CNTNAP5: variants seen among roughly 807,000 people sequenced by gnomAD.
The protein encoded by CNTNAP5 is contactin-associated protein-like 5.
In CNTNAP5, 72 loss-of-function variants were observed where a neutral mutation model predicts 150.2. The ratio of observed to expected loss-of-function variants is 0.48; its 90% CI spans 0.40 to 0.58. The LOEUF (loss-of-function observed/expected upper bound fraction) is 0.58. Among genes scored for constraint, CNTNAP5 ranks in the 20% least tolerant of loss-of-function variants. The pLI is 0.00. For missense variants in CNTNAP5, 1,636 were observed against 1,626.2 expected, an observed-to-expected ratio of 1.01 and a Z score of -0.10; for synonymous variants, 672 against 619.8, an observed-to-expected ratio of 1.08 and a Z score of -1.25.
intron 10 of CNTNAP5, among the ~76,000 whole-genome samples, chr2:124,540,700 ATTCT>A (rs1305036230): frequency 2.1e-5 from 3 of 140,198 alleles, no homozygotes; most frequent in African/African-American, 8.1e-5. Context: ...TCATTCATTC[ATTCT>A]TTCATCTCTT....
intron 10 of CNTNAP5, among the ~76,000 whole-genome samples, chr2:124,535,612 A>AG (rs1230729726): frequency 6.6e-6 from 1 of 151,056 alleles, no homozygotes; most frequent in African/African-American, 2.4e-5. Flanking sequence ...AATACAAAAA[A>AG]AAAAAAAAAA....
Position 124,382,517 on chromosome 2 carries a change from G to A in CNTNAP5, c.382-34926G>A, listed in dbSNP as rs868241312. ...AATGTACTCCTCTTTCCAGCTTCAT[G>A]ATGTTGGAAAAAGCAGCTTAAATAC... On this transcript the variant is annotated intron_variant, in intron 3 of 23. Coordinates refer to ENST00000682447, the MANE Select transcript of CNTNAP5 (RefSeq NM_001367498.1). Among the ~76,000 whole-genome samples, 3 of 152,080 alleles carry A rather than the reference G, an allele frequency of 2.0e-5. No individual in the cohort carries two copies. The South Asian group carries it at 6.2e-4, about 32-fold the overall frequency.
intron 13 of CNTNAP5, among the ~76,000 whole-genome samples, chr2:124,687,471 T>C (rs1679215275): frequency 6.6e-6 from 1 of 152,072 alleles, no homozygotes; most frequent in South Asian, 2.1e-4. Flanking sequence ...TAATCTGAAA[T>C]GTGCTACTCT....
chr2:124,915,455 A>C lies in CNTNAP5; in HGVS notation c.*1167A>C, dbSNP rs1380146995. 6.6e-6 allele frequency among the ~76,000 whole-genome samples: 1 copy of C among 152,036 alleles called. No homozygotes were observed. The highest frequency in any genetic ancestry group is 1.5e-5 in the Non-Finnish European group (1 of 67,980). On this transcript the variant is annotated 3_prime_UTR_variant, in exon 24 of 24. Transcript: ENST00000682447. ...GACCTGGTGAAGATAGTTAATTCAA[A>C]TTTGCAAGTTTCACATTTTTTAACA...
chr2:124,685,827 T>A (rs1393169779), intron 13 of CNTNAP5, among the ~76,000 whole-genome samples: 1 of 152,012 alleles, frequency 6.6e-6, no homozygotes. Context: ...GCTAAAATGC[T>A]GAGCTCCTAA....
In CNTNAP5 at chr2:124,771,974, CCACCATCATCATCACCACCACCACCAT is replaced by C. The variant is rs978465799; in HGVS notation, c.2534-808_2534-782del. On this transcript the variant is annotated intron_variant, in intron 16 of 23. Transcript: ENST00000682447. Reference sequence around the variant, plus strand: ...ATTATCACCACCATTGCCACGACCACCACCATCATCATCACCACCACCACCATCACCATCATCATCACCTCCATCACC... The same window carrying C: ...ATTATCACCACCATTGCCACGACCACCACCATCATCATCACCTCCATCACC... Among the ~76,000 whole-genome samples, 60 of 151,918 alleles carry C rather than the reference CCACCATCATCATCACCACCACCACCAT, an allele frequency of 3.9e-4. 1 individual carries two copies. The South Asian group carries it at 0.012, about 32-fold the overall frequency.
intron 19 of CNTNAP5, among the ~76,000 whole-genome samples, chr2:124,858,090 C>A (rs551617578): frequency 6.6e-6 from 1 of 152,086 alleles, no homozygotes; most frequent in Non-Finnish European, 1.5e-5. Context: ...AAACCCACAG[C>A]CAATATCATA....
chr2:124,447,900 T>C (rs1437502811), intron 6 of CNTNAP5, among the ~76,000 whole-genome samples: 5 of 152,148 alleles, frequency 3.3e-5, no homozygotes, highest in Non-Finnish European at 7.3e-5. Flanking sequence ...TTGAGTCAGC[T>C]TGTTACCAGT....
chr2:124,908,527 G>A (rs574207815), intron 22 of CNTNAP5, among the ~76,000 whole-genome samples: 3 of 152,222 alleles, frequency 2.0e-5, no homozygotes, highest in Middle Eastern at 3.4e-3. Context: ...AGACTATAAC[G>A]GAGCTGAATA....
intron 1 of CNTNAP5, among the ~76,000 whole-genome samples, chr2:124,062,539 T>C (rs1682039843): frequency 6.6e-6 from 1 of 152,188 alleles, no homozygotes; most frequent in Non-Finnish European, 1.5e-5. Flanking sequence ...ATTACCTCAC[T>C]GAAAGCTGAG....
At chr2:124,852,821 C>T (rs772400080) in intron 19 of CNTNAP5, among the ~76,000 whole-genome samples, 1 of 152,082 alleles carries the variant, frequency 6.6e-6, no homozygotes, top group Non-Finnish European at 1.5e-5. Flanking sequence ...AGAGGGCTGT[C>T]GATGACTTGG....
At chr2:124,691,848 TC>T (rs1679306818) in intron 13 of CNTNAP5, among the ~76,000 whole-genome samples, 1 of 152,112 alleles carries the variant, frequency 6.6e-6, no homozygotes, top group Non-Finnish European at 1.5e-5. Context: ...ATTCCTTCCA[TC>T]CCTGTCTGTG....
At chr2:124,765,754 G>T (rs561663710) in intron 16 of CNTNAP5, among the ~76,000 whole-genome samples, 1 of 151,966 alleles carries the variant, frequency 6.6e-6, no homozygotes, top group South Asian at 2.1e-4. Flanking sequence ...TCAGGAGTTC[G>T]AGACCAGCAT....
At chr2:124,766,066 T>C (rs1240014510) in intron 16 of CNTNAP5, among the ~76,000 whole-genome samples, 3 of 152,206 alleles carry the variant, frequency 2.0e-5, no homozygotes, top group Non-Finnish European at 4.4e-5. Flanking sequence ...TCACTAACAT[T>C]GCTTAGAATT....
chr2:124,507,391 C>T (rs966355363), intron 8 of CNTNAP5, among the ~76,000 whole-genome samples: 5 of 151,876 alleles, frequency 3.3e-5, no homozygotes, highest in African/African-American at 7.3e-5. Context: ...CCAGGGAGGC[C>T]GAGGCTGCAG....
intron 3 of CNTNAP5, among the ~76,000 whole-genome samples, chr2:124,371,500 T>C (rs1314631043): frequency 6.6e-6 from 1 of 152,008 alleles, no homozygotes; most frequent in Non-Finnish European, 1.5e-5. Flanking sequence ...AAATGAGGAG[T>C]TAAATATCTC....
chr2:124,050,237 T>A (rs1420291080), intron 1 of CNTNAP5, among the ~76,000 whole-genome samples: 1 of 152,088 alleles, frequency 6.6e-6, no homozygotes, highest in African/African-American at 2.4e-5. Flanking sequence ...CCAAGGCAGG[T>A]GGCCTCACTT....
intron 10 of CNTNAP5, among the ~76,000 whole-genome samples, chr2:124,536,221 A>AG (rs1421440191): frequency 6.6e-6 from 1 of 152,220 alleles, no homozygotes; most frequent in Non-Finnish European, 1.5e-5. Context: ...TATTTCACAG[A>AG]GGGGAAAAAA....
intron 11 of CNTNAP5, among the ~76,000 whole-genome samples, chr2:124,585,532 T>G (rs1223020435): frequency 6.6e-6 from 1 of 152,108 alleles, no homozygotes; most frequent in East Asian, 1.9e-4. Context: ...CAAAGTGTGG[T>G]TACATTCTTG....
Sources: gnomAD v4.1 joint callset for allele counts (sites outside exome capture counted in the v4.1 genomes callset) on GRCh38, gnomAD v4.1.1 for gene constraint, MANE v1.5 for transcripts, NCBI Gene and HGNC (gene_info 2026-07-23, HGNC 2026-07-21) for gene names.